The following LINGO2 variants were observed in gnomAD, a reference collection of about 807,000 sequenced individuals.
LINGO2 encodes the protein leucine-rich repeat and immunoglobulin-like domain-containing nogo receptor-interacting protein 2.
In LINGO2, 14 loss-of-function variants were observed where a neutral mutation model predicts 30.6. That is an observed-to-expected ratio of 0.46 (90% CI 0.30 to 0.72). The LOEUF (loss-of-function observed/expected upper bound fraction) is 0.72, where lower values mean the gene tolerates loss of function less well. LINGO2 is among the 30% of genes least tolerant of loss of function. LINGO2 has a pLI of 0.07. For synonymous variants in LINGO2, 317 were observed against 288.5 expected, an observed-to-expected ratio of 1.10 and a Z score of -1.00; for missense variants, 729 against 751.7, an observed-to-expected ratio of 0.97 and a Z score of 0.35.
At chr9:28,476,716 G>A (rs917299808) in intron 1 of LINGO2, among the ~76,000 whole-genome samples, 2 of 152,154 alleles carry the variant, frequency 1.3e-5, no homozygotes, top group South Asian at 4.1e-4. Flanking sequence ...AGACCGGAAG[G>A]AGACAAGACT....
At chr9:27,991,885 T>G (rs1007005114) in intron 5 of LINGO2, among the ~76,000 whole-genome samples, 1 of 152,212 alleles carries the variant, frequency 6.6e-6, no homozygotes, top group South Asian at 2.1e-4. Context: ...CTGAGCTGCC[T>G]TCCATTTTTT....
chr9:28,588,453 A>T (rs1026531664), intron 1 of LINGO2, among the ~76,000 whole-genome samples: 1 of 151,962 alleles, frequency 6.6e-6, no homozygotes, highest in Non-Finnish European at 1.5e-5. Context: ...TCCTGGAATT[A>T]TAAGACATGA....
At chr9:28,430,100 G>A (rs1049687234) in intron 2 of LINGO2, among the ~76,000 whole-genome samples, 24 of 33,938 alleles carry the variant, frequency 7.1e-4, no homozygotes, top group Admixed American at 3.6e-3. Flanking sequence ...ATTTCCACGC[G>A]CGCGCGCGCG....
chr9:28,420,110 A>T (rs1823131717), intron 2 of LINGO2, among the ~76,000 whole-genome samples: 1 of 152,140 alleles, frequency 6.6e-6, no homozygotes. Context: ...TCCTAGTATT[A>T]CAAGTTTGTG....
the LINGO2 span, among the ~76,000 whole-genome samples, chr9:28,963,609 G>C: frequency 3.4e-5 from 5 of 148,122 alleles, no homozygotes; most frequent in Non-Finnish European, 7.5e-5. Flanking sequence ...AAAAAAGAAT[G>C]AAATCCTGTC....
Position 28,151,687 on chromosome 9 carries a change from ATAAAAT to A in LINGO2, c.-86-139288_-86-139283del, listed in dbSNP as rs143621089. Among the ~76,000 whole-genome samples, 693 of 152,046 alleles carry A rather than the reference ATAAAAT, an allele frequency of 4.6e-3. 5 individuals are homozygous for A. The highest frequency in any genetic ancestry group is 0.016 in the African/African-American group (655 of 41,586). On this transcript the variant is annotated intron_variant, in intron 4 of 5. Transcript: ENST00000379992. ...TTACTAGAAAACTCAAAACAATGAA[ATAAAAT>A]TAAAATTAATAAAACTTTTAAGAGT...
At chr9:29,058,943 ATATT>A in the LINGO2 span, among the ~76,000 whole-genome samples, 1 of 152,020 alleles carries the variant, frequency 6.6e-6, no homozygotes, top group East Asian at 1.9e-4. Flanking sequence ...TTTTAATAGA[ATATT>A]TAGTATTTTA....
intron 5 of LINGO2, among the ~76,000 whole-genome samples, chr9:27,966,704 T>C (rs1400161112): frequency 6.6e-6 from 1 of 152,086 alleles, no homozygotes; most frequent in Non-Finnish European, 1.5e-5. Flanking sequence ...AACCTGCATG[T>C]TCAGCACACG....
the LINGO2 span, among the ~76,000 whole-genome samples, chr9:28,839,901 G>T: frequency 2.0e-5 from 3 of 152,130 alleles, no homozygotes; most frequent in Non-Finnish European, 4.4e-5. Flanking sequence ...CTAGCACTGA[G>T]CTTCCCTCAG....
intron 1 of LINGO2, among the ~76,000 whole-genome samples, chr9:28,602,529 A>G (rs997744349): frequency 1.3e-5 from 2 of 152,094 alleles, no homozygotes; most frequent in African/African-American, 4.8e-5. Flanking sequence ...TTATGCATAC[A>G]TCAAAGTGAG....
intron 1 of LINGO2, among the ~76,000 whole-genome samples, chr9:28,646,032 A>G (rs1453703247): frequency 6.6e-6 from 1 of 152,150 alleles, no homozygotes; most frequent in Non-Finnish European, 1.5e-5. Context: ...ATCACATTTA[A>G]TTGTTTTCAT....
intron 3 of LINGO2, among the ~76,000 whole-genome samples, chr9:28,325,272 C>T (rs1450814559): frequency 6.6e-6 from 1 of 152,086 alleles, no homozygotes; most frequent in Non-Finnish European, 1.5e-5. Context: ...AATTTTGTTT[C>T]AGCCTCTTGC....
At chr9:29,182,842 C>T in the LINGO2 span, among the ~76,000 whole-genome samples, 4 of 152,060 alleles carry the variant, frequency 2.6e-5, no homozygotes, top group Non-Finnish European at 5.9e-5. Context: ...AGTTTTAAAT[C>T]ATTCCTTCAA....
chr9:28,187,589 G>A (rs941901164), intron 4 of LINGO2, among the ~76,000 whole-genome samples: 4 of 152,070 alleles, frequency 2.6e-5, no homozygotes, highest in African/African-American at 9.7e-5. Context: ...GAAGAAGACT[G>A]TAGGAGGAGA....
chr9:28,051,704 C>T (rs1305467053), intron 4 of LINGO2, among the ~76,000 whole-genome samples: 1 of 151,994 alleles, frequency 6.6e-6, no homozygotes, highest in Non-Finnish European at 1.5e-5. Context: ...ATTCAAGTTC[C>T]ACAGCACATA....
chr9:28,928,834 C>G, the LINGO2 span, among the ~76,000 whole-genome samples: 2 of 152,144 alleles, frequency 1.3e-5, no homozygotes, highest in East Asian at 3.9e-4. Context: ...GAGTTCTAGG[C>G]AGCGCAATCG....
chr9:28,264,588 T>C (rs2134060597), intron 4 of LINGO2, among the ~76,000 whole-genome samples: 1 of 151,990 alleles, frequency 6.6e-6, no homozygotes, highest in Admixed American at 6.6e-5. Flanking sequence ...ACTTCCCGAA[T>C]CATCTCACAC....
chr9:28,946,896 G>T, the LINGO2 span, among the ~76,000 whole-genome samples: 1 of 151,950 alleles, frequency 6.6e-6, no homozygotes, highest in African/African-American at 2.4e-5. Context: ...TACATATGTG[G>T]TTCATGATCA....
the LINGO2 span, among the ~76,000 whole-genome samples, chr9:29,132,301 A>G: frequency 6.6e-6 from 1 of 152,106 alleles, no homozygotes; most frequent in Admixed American, 6.6e-5. Context: ...ATCAAAAGGA[A>G]AACTCCAACT....
Sources: gnomAD v4.1 joint callset for allele counts (sites outside exome capture counted in the v4.1 genomes callset) on GRCh38, gnomAD v4.1.1 for gene constraint, MANE v1.5 for transcripts, NCBI Gene and HGNC (gene_info 2026-07-23, HGNC 2026-07-21) for gene names.